Variants in AKAP7 observed in about 807,000 individuals in gnomAD.
AKAP7 encodes the protein A-kinase anchoring protein 7.
A neutral mutation model predicts 39.5 loss-of-function variants in AKAP7; 39 were observed. That is an observed-to-expected ratio of 0.99 (90% CI 0.76 to 1.29). The LOEUF (loss-of-function observed/expected upper bound fraction) is 1.29, where lower values mean the gene tolerates loss of function less well. AKAP7 is among the 50% of genes most tolerant of loss of function. The probability of loss-of-function intolerance (pLI) is 0.00; values close to 1 mark genes in which losing one functional copy is unlikely to be tolerated. For missense variants in AKAP7, 414 were observed against 407.7 expected, an observed-to-expected ratio of 1.02 and a Z score of -0.13; for synonymous variants, 140 against 139.1, an observed-to-expected ratio of 1.01 and a Z score of -0.05.
rs112547968 is a variant in AKAP7 at position 131,155,379 on chromosome 6, C to G, written c.152-4680C>G. On this transcript the variant is annotated intron_variant, in intron 2 of 7. Coordinates refer to ENST00000431975, the MANE Select transcript of AKAP7 (RefSeq NM_016377.4). The stretch of plus-strand genomic sequence containing the variant: ...GGCAAATAATGTTTGCTTGTCTTGC[C>G]TTTTTGCAACTTTAAGATTGATCAG... Among the ~76,000 whole-genome samples, 814 of 152,206 alleles carry G rather than the reference C, an allele frequency of 5.3e-3. 9 individuals are homozygous for G. Among genetic ancestry groups the G allele is most frequent in the African/African-American group, 0.019 (779 of 41,522 alleles).
chr6:131,218,087 C>T (rs1809349868), intron 6 of AKAP7, among the ~76,000 whole-genome samples: 2 of 152,074 alleles, frequency 1.3e-5, no homozygotes, highest in South Asian at 4.1e-4. Flanking sequence ...TTGTTTTAAG[C>T]ACTTTTATAA....
chr6:131,154,643 G>T (rs1450424602), intron 2 of AKAP7, among the ~76,000 whole-genome samples: 1 of 151,702 alleles, frequency 6.6e-6, no homozygotes, highest in African/African-American at 2.4e-5. Flanking sequence ...TCTTTAAAAG[G>T]TAAAGAATCT....
intron 5 of AKAP7, among the ~76,000 whole-genome samples, chr6:131,170,328 T>G (rs1225807472): frequency 2.7e-5 from 4 of 148,520 alleles, no homozygotes; most frequent in Non-Finnish European, 6.0e-5. Context: ...AAAGAAACAA[T>G]CATCTATAGG....
chr6:131,207,595 A>G (rs1430871665), intron 6 of AKAP7, among the ~76,000 whole-genome samples: 5 of 145,718 alleles, frequency 3.4e-5, no homozygotes, highest in South Asian at 2.1e-4. Context: ...TTGGCCTCCC[A>G]TAGTGTTGGG....
At chr6:131,177,213 G>A (rs1034389833) in intron 5 of AKAP7, among the ~76,000 whole-genome samples, 9 of 152,048 alleles carry the variant, frequency 5.9e-5, no homozygotes, top group African/African-American at 1.9e-4. Context: ...GGCTGTCTTC[G>A]TTCATTTTGT....
intron 5 of AKAP7, among the ~76,000 whole-genome samples, chr6:131,171,467 A>G (rs1804039550): frequency 6.6e-6 from 1 of 152,230 alleles, no homozygotes; most frequent in African/African-American, 2.4e-5. Context: ...TTAGGGGCCT[A>G]CAAGTAGTTT....
intron 1 of AKAP7, among the ~76,000 whole-genome samples, chr6:131,140,382 C>G (rs1800930339): frequency 6.6e-6 from 1 of 152,130 alleles, no homozygotes; most frequent in African/African-American, 2.4e-5. Context: ...CACTTGCTCT[C>G]TAATTGTTGG....
rs1359678367 is a variant in AKAP7, at chr6:131,233,107, CAA to C, written c.850+13301_850+13302del. On this transcript the variant is annotated intron_variant, in intron 7 of 7. Coordinates refer to ENST00000431975, the MANE Select transcript of AKAP7 (RefSeq NM_016377.4). ...GGTTTAATTTTTTTGACTGGAAAAA[CAA>C]AGTTGGCAAATCTGTATAATATAGT... is the stretch of plus-strand genomic sequence containing the variant. Among the ~76,000 whole-genome samples, 3 of 151,614 alleles carry C rather than the reference CAA, an allele frequency of 2.0e-5. No individual in the cohort carries two copies. The East Asian group carries it at 5.8e-4, about 29-fold the overall frequency.
chr6:131,237,318 T>C (rs1464362616), intron 7 of AKAP7, among the ~76,000 whole-genome samples: 1 of 152,260 alleles, frequency 6.6e-6, no homozygotes, highest in Non-Finnish European at 1.5e-5. Flanking sequence ...CGGTATTTTA[T>C]TGAGGATTTT....
chr6:131,169,814 CTTCAT>C lies in AKAP7; in HGVS notation c.589+547_589+551del, dbSNP rs773778329. The stretch of plus-strand genomic sequence containing the variant: ...ATGCTGTGAGAAATTTTTATTTTCA[CTTCAT>C]TTCATGTCATGTCATGTCATGTCAT... On this transcript the variant is annotated intron_variant, in intron 5 of 7. Transcript: ENST00000431975. 2.2e-3 allele frequency among the ~76,000 whole-genome samples: 334 copies of C among 152,208 alleles called. 1 individual carries two copies. Among genetic ancestry groups the C allele is most frequent in the Non-Finnish European group, 3.4e-3 (229 of 68,008 alleles).
intron 2 of AKAP7, among the ~76,000 whole-genome samples, chr6:131,152,826 C>CA (rs759814910): frequency 0.053 from 2,038 of 38,768 alleles, 57 homozygotes; most frequent in African/African-American, 0.063. Flanking sequence ...GACTCCATCT[C>CA]AAAAAAAAAA....
At chr6:131,155,592 C>G (rs1328276023) in intron 2 of AKAP7, among the ~76,000 whole-genome samples, 1 of 152,104 alleles carries the variant, frequency 6.6e-6, no homozygotes, top group Non-Finnish European at 1.5e-5. Flanking sequence ...TTTACCTTAG[C>G]TAGCTATTTA....
intron 6 of AKAP7, among the ~76,000 whole-genome samples, chr6:131,208,148 C>A (rs1808307584): frequency 6.6e-6 from 1 of 152,140 alleles, no homozygotes; most frequent in Non-Finnish European, 1.5e-5. Flanking sequence ...TCAACACTGT[C>A]ATCTACTGTG....
chr6:131,282,627 A>G lies in AKAP7; in HGVS notation c.*901A>G, dbSNP rs763839143. The G allele has an allele frequency of 4.0e-6, 6 of 1,509,678 alleles. No homozygotes were observed. In the African/African-American group the frequency reaches 6.9e-5, roughly 17 times the overall value. 93.5% of individuals were successfully genotyped at this position (1,509,678 alleles called of 1,614,324 possible). A position where few individuals can be genotyped will look rare whatever the true frequency, so the allele number is the denominator to read the frequency against. On this transcript the variant is annotated 3_prime_UTR_variant, in exon 8 of 8. Transcript: ENST00000431975. ...TAAGCTCTACATTGCGATTGTGACA[A>G]CATAGCTTATGAAATCTTTTCAGCT...
At chr6:131,258,577 G>A (rs890742158) in intron 7 of AKAP7, among the ~76,000 whole-genome samples, 3 of 152,142 alleles carry the variant, frequency 2.0e-5, no homozygotes, top group African/African-American at 7.2e-5. Flanking sequence ...TTCATAATGT[G>A]AGTTACAAGT....
intron 1 of AKAP7, among the ~76,000 whole-genome samples, chr6:131,140,352 A>T (rs1800927820): frequency 6.6e-6 from 1 of 152,152 alleles, no homozygotes; most frequent in African/African-American, 2.4e-5. Flanking sequence ...TCTTTGGTAT[A>T]GCCAGAATGA....
chr6:131,280,287 C>T (rs1257711784), intron 7 of AKAP7, among the ~76,000 whole-genome samples: 1 of 152,056 alleles, frequency 6.6e-6, no homozygotes, highest in Non-Finnish European at 1.5e-5. Context: ...CTAGATGGGT[C>T]TTATCCTACC....
At chr6:131,126,988 G>C in the AKAP7 span, among the ~76,000 whole-genome samples, 2 of 152,060 alleles carry the variant, frequency 1.3e-5, no homozygotes, top group African/African-American at 2.4e-5. Flanking sequence ...AAAGAGACAG[G>C]GCAGGTAGAT....
At chr6:131,253,177 A>G in intron 7 of AKAP7, 1 of 1,358,258 alleles carries the variant, frequency 7.4e-7, no homozygotes, top group South Asian at 1.2e-5. Context: ...TGGTGGTGGT[A>G]GATAGAAATA....
Sources: gnomAD v4.1 joint callset for allele counts (sites outside exome capture counted in the v4.1 genomes callset) on GRCh38, gnomAD v4.1.1 for gene constraint, MANE v1.5 for transcripts, NCBI Gene and HGNC (gene_info 2026-07-23, HGNC 2026-07-21) for gene names.